Variants in ZNF888 observed in about 807,000 individuals in gnomAD.
ZNF888 encodes the protein CTD-2331H12.6.
ZNF888 carries 5 observed loss-of-function variants against 7.2 expected under a neutral mutation model. That is an observed-to-expected ratio of 0.70 (90% CI 0.36 to 1.46). The LOEUF (loss-of-function observed/expected upper bound fraction) is 1.46, where lower values mean the gene tolerates loss of function less well. Among genes scored for constraint, ZNF888 ranks in the 40% most tolerant of loss-of-function variants. ZNF888 has a pLI of 0.03. For synonymous variants in ZNF888, 240 were observed against 284.3 expected, an observed-to-expected ratio of 0.84 and a Z score of 1.57; for missense variants, 716 against 858.0, an observed-to-expected ratio of 0.83 and a Z score of 2.07.
At position 52,920,938 on chromosome 19, in the gene ZNF888, TAAAAAAAAAAAAAAA is replaced by T. The variant is rs145361548; in HGVS notation, c.-177-2016_-177-2002del. Among the ~76,000 whole-genome samples the T allele has an allele frequency of 2.0e-3, 13 of 6,530 alleles. 5 individuals carry two copies. Among genetic ancestry groups the T allele is most frequent in the East Asian group, 0.018 (5 of 276 alleles). The allele number at this position is 6,530 out of a possible 152,430, so 4.3% of individuals were successfully genotyped here. ...GCTCAGAATAAATCTCTTCAAATATTAAAAAAAAAAAAAAAAAAAAAAAAAAAAAATCTTCATTTC... is the reference window on the plus strand; with the variant it reads ...GCTCAGAATAAATCTCTTCAAATATTAAAAAAAAAAAAAAATCTTCATTTC... On this transcript the variant is annotated intron_variant, in intron 1 of 4. Transcript: ENST00000638862.
In ZNF888 at chr19:52,907,685, A is replaced by ATTT. The variant is rs2064627651; in HGVS notation, c.634_636dup (p.Lys212dup). The ATTT allele has an allele frequency of 6.2e-7, 1 of 1,607,078 alleles. No homozygotes were observed. The highest frequency in any genetic ancestry group is 8.5e-7 in the Non-Finnish European group (1 of 1,177,362). On this transcript the variant is annotated inframe_insertion, in exon 5 of 5. Transcript: ENST00000638862. ...TTGCCACTCTCATTAAATTGGAAAG[A>ATTT]TTTTTCTTTCCTGTGTACATCCTGT...
Position 52,907,518 on chromosome 19 carries a change from T to C in ZNF888, c.804A>G (p.Lys268=). ...TGCCACATTTATTACACATGTAAGG[T>C]TTCTCACCAGTGTGACATCTACGAT... is the stretch of plus-strand genomic sequence containing the variant. ...AHHRRCHTGE[K]PYMCNKCGKV... The change falls in exon 5 of 5, where the codon AAA becomes AAG. Residue 268 remains lysine (K), a synonymous_variant. Transcript: ENST00000638862. 1 of 1,608,800 alleles carries C rather than the reference T, an allele frequency of 6.2e-7. No homozygotes were observed. The highest frequency in any genetic ancestry group is 8.5e-7 in the Non-Finnish European group (1 of 1,177,962).
In ZNF888 at chr19:52,906,796, A is replaced by G. The variant is rs1464454993; in HGVS notation, c.1526T>C (p.Leu509Pro). The change falls in exon 5 of 5, where the codon CTG becomes CCG. Residue 509 changes from leucine to proline, a missense_variant. Around this residue, in one of 2 missense-constraint regions of ZNF888, gnomAD observed 697 missense variants for 803.4 expected, o/e 0.87. Coordinates refer to ENST00000638862, the MANE Select transcript of ZNF888 (RefSeq NM_001393938.1). ...AGTGTGAATTACAGTATGTTGTGCCAGGTGTGAATCACGTCTGAAAGCCTT... is the reference window on the plus strand; with the variant it reads ...AGTGTGAATTACAGTATGTTGTGCCGGGTGTGAATCACGTCTGAAAGCCTT... ...CDKAFRRDSH[L>P]AQHTVIHTGE... 1 of 1,611,588 alleles carries G rather than the reference A, an allele frequency of 6.2e-7. No individual in the cohort carries two copies.
At chr19:52,914,868 T>A (rs908543339) in intron 4 of ZNF888, among the ~76,000 whole-genome samples, 11 of 152,288 alleles carry the variant, frequency 7.2e-5, no homozygotes, top group Non-Finnish European at 1.2e-4. Context: ...AGTTTCTCCA[T>A]GTTGGCCAGG....
In ZNF888 at chr19:52,906,549, T is replaced by A. The variant is rs1045839897; in HGVS notation, c.1773A>T (p.Ser591=). The change falls in exon 5 of 5, where the codon TCA becomes TCT. Residue 591 remains serine, a synonymous_variant. Coordinates refer to ENST00000638862, the MANE Select transcript of ZNF888 (RefSeq NM_001393938.1). ...NECGKVFRTQ[S]QLACHHRLHT... ...GAAGTCTATGATGACATGCAAGTTG[T>A]GACTGTGTCCTAAAAACCTTGCCAC... is the stretch of plus-strand genomic sequence containing the variant. 2.5e-6 allele frequency: 4 copies of A among 1,613,800 alleles called. No individual in the cohort carries two copies. In the African/African-American group the frequency reaches 5.3e-5, roughly 22 times the overall value.
chr19:52,909,632 T>G (rs544303524), intron 4 of ZNF888, among the ~76,000 whole-genome samples: 2 of 152,154 alleles, frequency 1.3e-5, no homozygotes, highest in African/African-American at 4.8e-5. Context: ...TAAAATCAAT[T>G]AATAAAATAT....
rs2064769602 is a variant in ZNF888, at chr19:52,917,850, T to A, written c.15+9A>T. 3.7e-6 allele frequency: 6 copies of A among 1,613,376 alleles called. No homozygotes were observed. Among genetic ancestry groups the A allele is most frequent in the African/African-American group, 2.7e-5 (2 of 74,902 alleles). ...GAGACAGAACAATCCACAGAGAATA[T>A]CATCTCACCTGAGGAAGAGCCATCC... On this transcript the variant is annotated intron_variant, in intron 3 of 4. Coordinates refer to ENST00000638862, the MANE Select transcript of ZNF888 (RefSeq NM_001393938.1).
In ZNF888 at chr19:52,917,990, C is replaced by A. The variant is rs1186077389; in HGVS notation, c.-58-59G>T. On this transcript the variant is annotated intron_variant, in intron 2 of 4. Coordinates refer to ENST00000638862, the MANE Select transcript of ZNF888 (RefSeq NM_001393938.1). The stretch of plus-strand genomic sequence containing the variant: ...TTGTTTATTGCTCAGAGTCAACATA[C>A]CCCCTCCCTGTAAAACAACGACACA... 9 of 1,572,996 alleles carry A rather than the reference C, an allele frequency of 5.7e-6. No homozygotes were observed. In the African/African-American group the frequency reaches 9.4e-5, roughly 17 times the overall value.
intron 4 of ZNF888, among the ~76,000 whole-genome samples, chr19:52,912,824 T>C (rs926956235): frequency 2.0e-5 from 3 of 150,814 alleles, no homozygotes; most frequent in Admixed American, 6.6e-5. Flanking sequence ...AAAAAACAGA[T>C]AGGCCGGACA....
chr19:52,907,780 C>A lies in ZNF888; in HGVS notation c.542G>T (p.Cys181Phe), dbSNP rs867357548. ...SSVSTSQRIS[C>F]RPKTHISNNY... is the part of the protein sequence containing the mutation. Reference sequence around the variant, plus strand: ...ATTAGAAATATGGGTTTTGGGCCTACAAGAAATTCTTTGGGATGTTGAAAC... The same window carrying A: ...ATTAGAAATATGGGTTTTGGGCCTAAAAGAAATTCTTTGGGATGTTGAAAC... The change falls in exon 5 of 5, where the codon TGT (cysteine) becomes TTT (phenylalanine). Residue 181 changes from cysteine to phenylalanine, a missense_variant. Physicochemically the swap from Cys to Phe is radical, Grantham distance 205. Transcript: ENST00000638862. 1.2e-6 allele frequency: 2 copies of A among 1,614,090 alleles called. No homozygotes were observed. Among genetic ancestry groups the A allele is most frequent in the African/African-American group, 1.3e-5 (1 of 75,052 alleles).
chr19:52,916,353 A>G (rs2064747964), intron 3 of ZNF888, among the ~76,000 whole-genome samples: 1 of 151,906 alleles, frequency 6.6e-6, no homozygotes, highest in South Asian at 2.1e-4. Context: ...AAAGTACAAA[A>G]TCCATTTTTT....
chr19:52,920,540 A>G lies in ZNF888; in HGVS notation c.-177-1603T>C, dbSNP rs1164745369. On this transcript the variant is annotated intron_variant, in intron 1 of 4. Coordinates refer to ENST00000638862, the MANE Select transcript of ZNF888 (RefSeq NM_001393938.1). The stretch of plus-strand genomic sequence containing the variant: ...AAGAAAAAAAAAGAAAAGGAAAAAA[A>G]AAAAAAAAAGGAATTATTTGTCACT... Among the ~76,000 whole-genome samples the G allele has an allele frequency of 3.3e-5, 2 of 61,154 alleles. 1 individual carries two copies. The highest frequency in any genetic ancestry group is 7.6e-5 in the Non-Finnish European group (2 of 26,302). The allele number at this position is 61,154 out of a possible 152,430, so 40.1% of individuals were successfully genotyped here.
chr19:52,918,463 G>C (rs1022100967), intron 2 of ZNF888, among the ~76,000 whole-genome samples: 2 of 152,120 alleles, frequency 1.3e-5, no homozygotes, highest in Non-Finnish European at 2.9e-5. Context: ...GTGAAACCCT[G>C]TCTGTACCAA....
Position 52,909,882 on chromosome 19 carries a change from C to T in ZNF888, c.143-1703G>A, listed in dbSNP as rs150883868. On this transcript the variant is annotated intron_variant, in intron 4 of 4. Transcript: ENST00000638862. ...TATAAGGAATAAGAATTGACTATGG[C>T]CAGGCATGGTGGCTCATGCCTGTAA... 4.6e-3 allele frequency among the ~76,000 whole-genome samples: 698 copies of T among 152,132 alleles called. 6 individuals carry two copies. The highest frequency in any genetic ancestry group is 7.6e-3 in the Admixed American group (116 of 15,282).
Position 52,908,092 on chromosome 19 carries a change from G to T in ZNF888, c.230C>A (p.Ala77Glu). Residue 77 changes from alanine (A) to glutamate (E), a missense_variant, in exon 5 of 5, where the codon GCA becomes GAA. Ala to Glu is a moderately radical substitution (Grantham distance 107). Coordinates refer to ENST00000638862, the MANE Select transcript of ZNF888 (RefSeq NM_001393938.1). ...VIHTGTLQRL[A>E]SHHIGECCFQ... ...GCAACATTCTCCAATGTGATGACTT[G>T]CCAGTCTTTGCAATGTCCCTGTGTG... The T allele has an allele frequency of 4.3e-6, 7 of 1,614,096 alleles. No individual in the cohort carries two copies. The highest frequency in any genetic ancestry group is 2.2e-5 in the South Asian group (2 of 91,070).
intron 1 of ZNF888, among the ~76,000 whole-genome samples, chr19:52,919,540 C>T (rs866778594): frequency 0.019 from 1,342 of 70,796 alleles, 429 homozygotes; most frequent in African/African-American, 0.05. Context: ...TGCCTTGGCC[C>T]CCCAAAGTGC....
Position 52,906,397 on chromosome 19 carries a change from G to A in ZNF888, c.1925C>T (p.Ala642Val), listed in dbSNP as rs370907854. 3 of 1,612,858 alleles carry A rather than the reference G, an allele frequency of 1.9e-6. No homozygotes were observed. In the East Asian group the frequency reaches 6.7e-5, roughly 36 times the overall value. The change falls in exon 5 of 5, where the codon GCT (alanine) becomes GTT (valine). Residue 642 changes from alanine to valine, a missense_variant. Transcript: ENST00000638862. ...KPYKCRVCDK[A>V]FGRDSYLAQH... is the part of the protein sequence containing the mutation. Reference sequence around the variant, plus strand: ...TGCAAGGTATGAATCACGCCCAAAAGCCTTGTCGCAAACCCTACATTTGTA... The same window carrying A: ...TGCAAGGTATGAATCACGCCCAAAAACCTTGTCGCAAACCCTACATTTGTA...
Position 52,905,702 on chromosome 19 carries a change from C to T in ZNF888, c.*463G>A, listed in dbSNP as rs1254881314. The T allele has an allele frequency of 2.2e-6, 1 of 446,254 alleles. No individual in the cohort carries two copies. Among genetic ancestry groups the T allele is most frequent in the Non-Finnish European group, 4.5e-6 (1 of 219,876 alleles). 27.6% of individuals were successfully genotyped at this position (446,254 alleles called of 1,614,324 possible). On this transcript the variant is annotated 3_prime_UTR_variant, in exon 5 of 5. Transcript: ENST00000638862. ...CAAACTCAAGTCAATGCTGAACTGA[C>T]TCTAGTGTCAATTAATGCTTGATGG...
chr19:52,913,355 C>T (rs2064708263), intron 4 of ZNF888, among the ~76,000 whole-genome samples: 1 of 115,068 alleles, frequency 8.7e-6, no homozygotes, highest in Admixed American at 1.3e-4. Context: ...GATGGAGTCT[C>T]ACTCTGTCAC....
Sources: allele counts gnomAD v4.1 joint callset (sites outside exome capture counted in the v4.1 genomes callset), GRCh38; gene constraint gnomAD v4.1.1; regional missense constraint gnomAD v4.1.1; transcripts MANE v1.5; gene names NCBI Gene and HGNC (gene_info 2026-07-23, HGNC 2026-07-21).